The following MRM3 variants were observed in gnomAD, a reference collection of about 807,000 sequenced individuals.
MRM3 encodes rRNA methyltransferase 3, mitochondrial.
In MRM3, 26 loss-of-function variants were observed where a neutral mutation model predicts 29.4. The observed-to-expected ratio is 0.89, with a 90% CI of 0.65 to 1.23. The LOEUF (loss-of-function observed/expected upper bound fraction) is 1.23, where lower values mean the gene tolerates loss of function less well. MRM3 is among the 50% of genes most tolerant of loss of function. The pLI is 0.00. For missense variants in MRM3, 578 were observed against 540.2 expected (o/e 1.07, Z -0.69); for synonymous variants, 225 against 219.0 (o/e 1.03, Z -0.24).
At position 783,208 on chromosome 17, in the gene MRM3, G is replaced by A. The variant is rs765512277; in HGVS notation, c.440G>A (p.Ser147Asn). Reference sequence around the variant, plus strand: ...GCTGTGCCAAAAATGTTCTTCTTTAGCCGTCTAGAATACCTAAAGGAGTTG... The same window carrying A: ...GCTGTGCCAAAAATGTTCTTCTTTAACCGTCTAGAATACCTAAAGGAGTTG... ...AGAVPKMFFF[S>N]RLEYLKELPV... The change falls in exon 2 of 4, where the codon AGC becomes AAC. Residue 147 changes from serine (S) to asparagine (N), a missense_variant. Physicochemically the swap from Ser to Asn is conservative, Grantham distance 46. Transcript: ENST00000304478. The A allele has an allele frequency of 2.5e-6, 4 of 1,613,994 alleles. No individual in the cohort carries two copies. The African/African-American group carries it at 5.3e-5, about 22-fold the overall frequency.
At position 792,019 on chromosome 17, in the gene MRM3, C is replaced by G. The variant is rs1402051785; in HGVS notation, c.1213C>G (p.Gln405Glu). 2 of 1,613,406 alleles carry G rather than the reference C, an allele frequency of 1.2e-6. No homozygotes were observed. Among genetic ancestry groups the G allele is most frequent in the Non-Finnish European group, 1.7e-6 (2 of 1,179,848 alleles). ...ASILLFEGKR[Q>E]LRGRAEDLSR... ...CATCCTGCTTTTCGAAGGGAAAAGA[C>G]AGCTGCGGGGGAGGGCGGAGGACTT... is the stretch of plus-strand genomic sequence containing the variant. Residue 405 changes from glutamine (Q) to glutamate (E), a missense_variant, in exon 4 of 4, where the codon CAG becomes GAG. Gln to Glu is a conservative substitution (Grantham distance 29). Transcript: ENST00000304478.
chr17:782,487 C>T lies in MRM3; in HGVS notation c.109C>T (p.Pro37Ser). 2 of 1,613,694 alleles carry T rather than the reference C, an allele frequency of 1.2e-6. No homozygotes were observed. Among genetic ancestry groups the T allele is most frequent in the Admixed American group, 3.3e-5 (2 of 60,014 alleles). ...CTGGGTCCGGGCGCTGCGGCGGAGC[C>T]CAGTGAAAGTGGTGTTTCCTTCCGG... ...RRWVRALRRSPVKVVFPSGEV... is the reference protein window; with the variant it reads ...RRWVRALRRSSVKVVFPSGEV... Residue 37 changes from proline (P) to serine (S), a missense_variant, in exon 1 of 4, where the codon CCA becomes TCA. Physicochemically the swap from Pro to Ser is moderately conservative, Grantham distance 74. Coordinates refer to ENST00000304478, the MANE Select transcript of MRM3 (RefSeq NM_018146.4).
rs746288205 is a variant in MRM3, at chr17:791,683, T to C, written c.877T>C (p.Tyr293His). The C allele has an allele frequency of 6.2e-7, 1 of 1,614,212 alleles. No individual in the cohort carries two copies. Among genetic ancestry groups the C allele is most frequent in the Admixed American group, 1.7e-5 (1 of 60,026 alleles). Reference protein sequence around the residue: ...RVYVADNCGLYAQAEMSNKAS... With the variant: ...RVYVADNCGLHAQAEMSNKAS... ...CTATGTGGCTGACAACTGTGGCCTT[T>C]ATGCCCAGGCTGAGATGTCTAATAA... Residue 293 changes from tyrosine to histidine, a missense_variant, in exon 4 of 4, where the codon TAT (tyrosine) becomes CAT (histidine). Coordinates refer to ENST00000304478, the MANE Select transcript of MRM3 (RefSeq NM_018146.4).
At chr17:789,874 C>T (rs914297283) in intron 3 of MRM3, 2 of 152,226 alleles carry the variant, frequency 1.3e-5, no homozygotes, top group African/African-American at 4.8e-5. Context: ...GTATCCAGGA[C>T]ATGAGGATGA....
chr17:791,530 C>G lies in MRM3; in HGVS notation c.728-4C>G. On this transcript the variant is annotated splice_polypyrimidine_tract_variant and splice_region_variant and intron_variant, in intron 3 of 3. Transcript: ENST00000304478. Reference sequence around the variant, plus strand: ...ATCTTGATTGTTTCCTTTTTATTTTCCAGGCTGTGTGGATGCCTGGGAGCC... The same window carrying G: ...ATCTTGATTGTTTCCTTTTTATTTTGCAGGCTGTGTGGATGCCTGGGAGCC... The G allele has an allele frequency of 6.2e-7, 1 of 1,609,534 alleles. No homozygotes were observed. The highest frequency in any genetic ancestry group is 8.5e-7 in the Non-Finnish European group (1 of 1,177,480).
At position 792,322 on chromosome 17, in the gene MRM3, A is replaced by T. The variant is rs1164574110; in HGVS notation, c.*253A>T. 3 of 413,274 alleles carry T rather than the reference A, an allele frequency of 7.3e-6. No homozygotes were observed. Among genetic ancestry groups the T allele is most frequent in the Non-Finnish European group, 1.3e-5 (3 of 232,892 alleles). 25.6% of individuals were successfully genotyped at this position (413,274 alleles called of 1,614,324 possible). ...GACCCACGTGGCTCTGTGTGTTTTT[A>T]AAAATTGTCCACCAAGAAGCACTTT... On this transcript the variant is annotated 3_prime_UTR_variant, in exon 4 of 4. Transcript: ENST00000304478.
rs1474747252 is a variant in MRM3 at position 792,155 on chromosome 17, A to G, written c.*86A>G. 13 of 1,349,036 alleles carry G rather than the reference A, an allele frequency of 9.6e-6. No homozygotes were observed. The highest frequency in any genetic ancestry group is 2.3e-5 in the East Asian group (1 of 42,908). The allele number at this position is 1,349,036 out of a possible 1,614,324, so 83.6% of individuals were successfully genotyped here. A position where few individuals can be genotyped will look rare whatever the true frequency, so the allele number is the denominator to read the frequency against. On this transcript the variant is annotated 3_prime_UTR_variant, in exon 4 of 4. Transcript: ENST00000304478. ...TGGGAGGCTGGCGGAGTCAGTGACT[A>G]TGGCCCCCACGTTCAGGAGGAAGGT...
At chr17:789,777 C>G (rs1027467651) in intron 3 of MRM3, 3 of 152,162 alleles carry the variant, frequency 2.0e-5, no homozygotes, top group Non-Finnish European at 2.9e-5. Context: ...TCTAAATAAT[C>G]CAAGCATTGT....
At chr17:785,156 C>T (rs1910476786) in intron 2 of MRM3, among the ~76,000 whole-genome samples, 2 of 151,466 alleles carry the variant, frequency 1.3e-5, no homozygotes, top group African/African-American at 4.9e-5. Context: ...TAGGGTAGTG[C>T]TTGGCTTAAA....
Position 787,468 on chromosome 17 carries a change from G to T in MRM3, c.560-497G>T, listed in dbSNP as rs1000224066. The stretch of plus-strand genomic sequence containing the variant: ...AAAGGATACACTCCAAAACAGAACA[G>T]TTGAGGGGGAGGAGAGTGGTACTGG... On this transcript the variant is annotated intron_variant, in intron 2 of 3. Coordinates refer to ENST00000304478, the MANE Select transcript of MRM3 (RefSeq NM_018146.4). The surrounding 1 kb of genome is among the most constrained non-coding windows in gnomAD (Gnocchi z 4.1). 6.6e-6 allele frequency among the ~76,000 whole-genome samples: 1 copy of T among 152,232 alleles called. No individual in the cohort carries two copies. The highest frequency in any genetic ancestry group is 1.5e-5 in the Non-Finnish European group (1 of 68,042).
chr17:791,767 G>A lies in MRM3; in HGVS notation c.961G>A (p.Glu321Lys). 1.2e-6 allele frequency: 2 copies of A among 1,614,196 alleles called. No homozygotes were observed. Among genetic ancestry groups the A allele is most frequent in the Non-Finnish European group, 8.5e-7 (1 of 1,180,036 alleles). ...AGTGATGAAGTTTCACAAGTATGAG[G>A]AAGAGGAAGATGTAGAAACCGGAGC... ...QRVMKFHKYE[E>K]EEDVETGASQ... Residue 321 changes from glutamate (E) to lysine (K), a missense_variant, in exon 4 of 4, where the codon GAA (glutamate) becomes AAA (lysine). Coordinates refer to ENST00000304478, the MANE Select transcript of MRM3 (RefSeq NM_018146.4).
chr17:788,074 G>A lies in MRM3; in HGVS notation c.669G>A (p.Leu223=), dbSNP rs532448921. 4.6e-5 allele frequency: 75 copies of A among 1,614,152 alleles called. 1 individual carries two copies. In the South Asian group the frequency reaches 8.1e-4, roughly 17 times the overall value. Reference sequence around the variant, plus strand: ...ACAATCTCCGTGACCCTGGGAACCTGGGGACAATTCTGAGATCTGCAGCTG... The same window carrying A: ...ACAATCTCCGTGACCCTGGGAACCTAGGGACAATTCTGAGATCTGCAGCTG... ...ICDNLRDPGN[L]GTILRSAAGA... is the part of the protein sequence containing the mutation. The change falls in exon 3 of 4, where the codon CTG becomes CTA. Residue 223 remains leucine (L), a synonymous_variant. Coordinates refer to ENST00000304478, the MANE Select transcript of MRM3 (RefSeq NM_018146.4).
Position 782,624 on chromosome 17 carries a change from C to A in MRM3, c.246C>A (p.Arg82=). ...EKQPLEESAS[R]APSTWEESGL... ...AACCGCTCGAGGAGTCCGCATCCCG[C>A]GCTCCCAGCACCTGGGAAGAGTCTG... Residue 82 remains arginine, a synonymous_variant, in exon 1 of 4, where the codon CGC becomes CGA. Coordinates refer to ENST00000304478, the MANE Select transcript of MRM3 (RefSeq NM_018146.4). 1 of 1,613,884 alleles carries A rather than the reference C, an allele frequency of 6.2e-7. No individual in the cohort carries two copies. Among genetic ancestry groups the A allele is most frequent in the Non-Finnish European group, 8.5e-7 (1 of 1,179,898 alleles).
At chr17:785,557 G>A (rs764719077) in intron 2 of MRM3, among the ~76,000 whole-genome samples, 1 of 152,130 alleles carries the variant, frequency 6.6e-6, no homozygotes, top group Admixed American at 6.5e-5. Flanking sequence ...CAGAGCGGTC[G>A]CCAGTAAGTG....
At chr17:784,600 A>C (rs1264741620) in intron 2 of MRM3, among the ~76,000 whole-genome samples, 1 of 152,004 alleles carries the variant, frequency 6.6e-6, no homozygotes, top group Non-Finnish European at 1.5e-5. Context: ...CCCATCTTGA[A>C]CTTCATCATC....
At chr17:784,131 T>C (rs946869898) in intron 2 of MRM3, among the ~76,000 whole-genome samples, 1 of 152,238 alleles carries the variant, frequency 6.6e-6, no homozygotes, top group Non-Finnish European at 1.5e-5. Flanking sequence ...CGATGTTGAT[T>C]AGCAGTTACA....
Position 791,652 on chromosome 17 carries a change from T to G in MRM3, c.846T>G (p.Thr282=). ...TGCCCAATTACCTGCCCCCTGACACTCGGGTCTATGTGGCTGACAACTGTG... is the reference window on the plus strand; with the variant it reads ...TGCCCAATTACCTGCCCCCTGACACGCGGGTCTATGTGGCTGACAACTGTG... ...ETVPNYLPPD[T]RVYVADNCGL... Residue 282 remains threonine (T), a synonymous_variant, in exon 4 of 4, where the codon ACT becomes ACG. Transcript: ENST00000304478. The G allele has an allele frequency of 6.2e-7, 1 of 1,614,172 alleles. No homozygotes were observed.
At position 787,334 on chromosome 17, in the gene MRM3, C is replaced by T. The variant is rs544998563; in HGVS notation, c.560-631C>T. Among the ~76,000 whole-genome samples the T allele has an allele frequency of 2.2e-4, 33 of 152,096 alleles. No individual in the cohort carries two copies. The South Asian group carries it at 4.1e-3, about 19-fold the overall frequency. On this transcript the variant is annotated intron_variant, in intron 2 of 3. Coordinates refer to ENST00000304478, the MANE Select transcript of MRM3 (RefSeq NM_018146.4). This position sits in a 1 kb window ranked among gnomAD's most constrained non-coding sequence, Gnocchi z 4.1. ...ATGGTAAGTTCAAGATATATTGTTG[C>T]GTAAATAAGTCGATTACAGAATAAT...
rs1910568283 is a variant in MRM3, at chr17:787,102, G to A, written c.560-863G>A. ...TATTAAAAATACAAAAAATTAGCCG[G>A]GTGTGGTTGCGGGTGCCTGTAATCC... On this transcript the variant is annotated intron_variant, in intron 2 of 3. Coordinates refer to ENST00000304478, the MANE Select transcript of MRM3 (RefSeq NM_018146.4). This position sits in a 1 kb window ranked among gnomAD's most constrained non-coding sequence, Gnocchi z 4.1. Among the ~76,000 whole-genome samples, 1 of 152,070 alleles carries A rather than the reference G, an allele frequency of 6.6e-6. No individual in the cohort carries two copies. The highest frequency in any genetic ancestry group is 2.1e-4 in the South Asian group (1 of 4,812).
Sources: allele counts gnomAD v4.1 joint callset (sites outside exome capture counted in the v4.1 genomes callset), GRCh38; gene constraint gnomAD v4.1.1; non-coding constraint Gnocchi (gnomAD v3.1); transcripts MANE v1.5; gene names NCBI Gene and HGNC (gene_info 2026-07-23, HGNC 2026-07-21).